LRRC49: variants seen among roughly 807,000 people sequenced by gnomAD.
The protein encoded by LRRC49 is leucine-rich repeat-containing protein 49.
Under a neutral mutation model 83.3 loss-of-function variants are expected in LRRC49, and 50 were observed. That is an observed-to-expected ratio of 0.60 (90% CI 0.48 to 0.76). The LOEUF (loss-of-function observed/expected upper bound fraction) is 0.76. Ranked by LOEUF, LRRC49 falls within the 30% of genes least tolerant of loss-of-function variation. The pLI, the probability that LRRC49 is intolerant of heterozygous loss-of-function variation, is 0.00. For missense variants in LRRC49, 704 were observed against 809.1 expected, an observed-to-expected ratio of 0.87 and a Z score of 1.58; for synonymous variants, 286 against 283.3, an observed-to-expected ratio of 1.01 and a Z score of -0.10.
Position 70,895,832 on chromosome 15 carries a change from T to A in LRRC49, c.106-17T>A. 6.5e-7 allele frequency: 1 copy of A among 1,546,044 alleles called. No individual in the cohort carries two copies. Among genetic ancestry groups the A allele is most frequent in the Non-Finnish European group, 8.8e-7 (1 of 1,131,016 alleles). On this transcript the variant is annotated splice_polypyrimidine_tract_variant and intron_variant, in intron 2 of 15. Transcript: ENST00000260382. ...AATTTGTCTCCAAATATTTTTTTCTTTAATAATGTTTTTCAGGTTGAATTC... is the reference window on the plus strand; with the variant it reads ...AATTTGTCTCCAAATATTTTTTTCTATAATAATGTTTTTCAGGTTGAATTC...
intron 12 of LRRC49, 162 bp from the exon 13 acceptor site, chr15:71,009,645 G>A (rs781374744): frequency 9.6e-5 from 48 of 500,034 alleles, no homozygotes; most frequent in South Asian, 7.1e-4. Flanking sequence ...TTAAAGTTAT[G>A]TAAGTTTAGT....
At chr15:71,004,383 G>A (rs1319501878) in intron 11 of LRRC49, among the ~76,000 whole-genome samples, 1 of 152,132 alleles carries the variant, frequency 6.6e-6, no homozygotes, top group Non-Finnish European at 1.5e-5. Context: ...ATGCCCATCA[G>A]TGATATACTG....
At chr15:71,032,560 A>G (rs973053805) in intron 14 of LRRC49, among the ~76,000 whole-genome samples, 17 of 152,296 alleles carry the variant, frequency 1.1e-4, no homozygotes, top group Non-Finnish European at 1.6e-4. Flanking sequence ...GTACAACAAA[A>G]TAGAAAACTT....
intron 15 of LRRC49, among the ~76,000 whole-genome samples, chr15:71,047,324 A>G (rs867101997): frequency 6.6e-6 from 1 of 152,116 alleles, no homozygotes; most frequent in Non-Finnish European, 1.5e-5. Flanking sequence ...ATCAGCAGGG[A>G]ATGTTTTTCC....
At chr15:70,949,065 T>C (rs551115480) in intron 8 of LRRC49, among the ~76,000 whole-genome samples, 1 of 152,290 alleles carries the variant, frequency 6.6e-6, no homozygotes, top group South Asian at 2.1e-4. Flanking sequence ...TTTTCACATA[T>C]GACATATTCT....
In LRRC49 at chr15:70,904,778, T is replaced by A. The variant is rs76573690; in HGVS notation, c.500+23T>A. 541 of 1,533,706 alleles carry A rather than the reference T, an allele frequency of 3.5e-4. 5 individuals carry two copies. In the African/African-American group the frequency reaches 6.9e-3, roughly 20 times the overall value. On this transcript the variant is annotated intron_variant, in intron 5 of 15. Coordinates refer to ENST00000260382, the MANE Select transcript of LRRC49 (RefSeq NM_017691.5). The stretch of plus-strand genomic sequence containing the variant: ...CAGGTATTCTTTGTAGAGCAGTTTT[T>A]GTAGCCTAATGTTATGTGTAGGATT...
chr15:70,999,873 T>G (rs1285378695), intron 11 of LRRC49, among the ~76,000 whole-genome samples: 1 of 152,182 alleles, frequency 6.6e-6, no homozygotes, highest in Non-Finnish European at 1.5e-5. Context: ...AAATGCCACT[T>G]AGAAGCCACC....
At chr15:71,043,621 A>C (rs1378023505) in intron 15 of LRRC49, among the ~76,000 whole-genome samples, 1 of 152,208 alleles carries the variant, frequency 6.6e-6, no homozygotes, top group Non-Finnish European at 1.5e-5. Context: ...TTGTAAGGAG[A>C]TGCAGAATAG....
chr15:70,940,034 T>C (rs184409067), intron 8 of LRRC49, among the ~76,000 whole-genome samples: 1 of 152,156 alleles, frequency 6.6e-6, no homozygotes, highest in Admixed American at 6.5e-5. Flanking sequence ...AAAATTTTAC[T>C]GAAAATGGTT....
chr15:71,010,478 T>A (rs1022747449), intron 13 of LRRC49, among the ~76,000 whole-genome samples: 1 of 148,220 alleles, frequency 6.7e-6, no homozygotes, highest in East Asian at 2.0e-4. Flanking sequence ...AAAGAAGAGA[T>A]GAAAAGGAGA....
intron 3 of LRRC49, among the ~76,000 whole-genome samples, chr15:70,897,196 G>A (rs192736245): frequency 2.6e-5 from 4 of 152,134 alleles, no homozygotes; most frequent in East Asian, 1.9e-4. Flanking sequence ...ATTTGAGGAC[G>A]GCTGGCCAGG....
intron 8 of LRRC49, among the ~76,000 whole-genome samples, chr15:70,955,020 G>T (rs1376013741): frequency 2.0e-5 from 3 of 152,070 alleles, no homozygotes; most frequent in African/African-American, 7.2e-5. Context: ...TTGTGGCCGG[G>T]AGGCACTCCA....
intron 9 of LRRC49, among the ~76,000 whole-genome samples, chr15:70,965,335 C>T (rs992272372): frequency 3.7e-4 from 57 of 152,110 alleles, no homozygotes; most frequent in African/African-American, 1.4e-3. Flanking sequence ...TTGCCTGGCA[C>T]CTACAGATTA....
At chr15:71,006,613 A>G (rs2038467090) in intron 11 of LRRC49, among the ~76,000 whole-genome samples, 1 of 152,094 alleles carries the variant, frequency 6.6e-6, no homozygotes, top group Non-Finnish European at 1.5e-5. Flanking sequence ...TCATTAATTC[A>G]TCCAAGAAAT....
intron 6 of LRRC49, among the ~76,000 whole-genome samples, chr15:70,916,547 A>G (rs1164823050): frequency 2.6e-5 from 4 of 152,172 alleles, no homozygotes; most frequent in Admixed American, 2.6e-4. Flanking sequence ...CACCTACCTC[A>G]GCCTCCCAAA....
intron 11 of LRRC49, among the ~76,000 whole-genome samples, chr15:70,994,828 T>C (rs2038022426): frequency 6.6e-6 from 1 of 152,230 alleles, no homozygotes; most frequent in African/African-American, 2.4e-5. Context: ...GATGAGAATC[T>C]TGTTCAAATC....
At chr15:70,894,238 T>G (rs1052807346) in intron 2 of LRRC49, among the ~76,000 whole-genome samples, 2 of 152,200 alleles carry the variant, frequency 1.3e-5, no homozygotes, top group Non-Finnish European at 2.9e-5. Flanking sequence ...TTAAAATTGA[T>G]GGCATGTCAT....
chr15:70,991,400 A>G (rs1259288734), intron 11 of LRRC49, among the ~76,000 whole-genome samples: 2 of 152,242 alleles, frequency 1.3e-5, no homozygotes, highest in African/African-American at 4.8e-5. Context: ...AAATCTGCAG[A>G]TACTCAATTC....
chr15:70,855,308 C>G (rs1165373478), intron 1 of LRRC49, among the ~76,000 whole-genome samples: 2 of 144,896 alleles, frequency 1.4e-5, no homozygotes, highest in African/African-American at 5.2e-5. Context: ...GCACTCCAGC[C>G]TGGGCAACAG....
Sources: allele counts gnomAD v4.1 joint callset (sites outside exome capture counted in the v4.1 genomes callset), GRCh38; gene constraint gnomAD v4.1.1; transcripts MANE v1.5; gene names NCBI Gene and HGNC (gene_info 2026-07-23, HGNC 2026-07-21).